ARID4A: variants seen among roughly 807,000 people sequenced by gnomAD.
The protein encoded by ARID4A is AT-rich interaction domain 4A, also known as AT-rich interactive domain-containing protein 4A.
ARID4A carries 39 observed loss-of-function variants against 148.6 expected under a neutral mutation model. The ratio of observed to expected loss-of-function variants is 0.26; its 90% CI spans 0.20 to 0.34. ARID4A has a LOEUF of 0.34. Ranked by LOEUF, ARID4A falls within the 10% of genes least tolerant of loss-of-function variation. The probability of loss-of-function intolerance (pLI) is 1.00; values close to 1 mark genes in which losing one functional copy is unlikely to be tolerated. For synonymous variants in ARID4A, 475 were observed against 481.2 expected, an observed-to-expected ratio of 0.99 and a Z score of 0.17; for missense variants, 1,265 against 1,449.1, an observed-to-expected ratio of 0.87 and a Z score of 2.06.
rs576319663 is a variant in ARID4A at position 58,359,979 on chromosome 14, T to G, written c.1938+763T>G. On this transcript the variant is annotated intron_variant, in intron 18 of 23. Transcript: ENST00000355431. Reference sequence around the variant, plus strand: ...TACTCGGGAGGCTGAGGCAGGAGAATGGCGTGAACCCAGGAGGCGGAGCTT... The same window carrying G: ...TACTCGGGAGGCTGAGGCAGGAGAAGGGCGTGAACCCAGGAGGCGGAGCTT... 3.3e-5 allele frequency among the ~76,000 whole-genome samples: 5 copies of G among 150,328 alleles called. No individual in the cohort carries two copies. In the South Asian group the frequency reaches 1.0e-3, roughly 31 times the overall value.
In ARID4A at chr14:58,366,872, C is replaced by G. The variant is rs754171676; in HGVS notation, c.3524-11C>G. On this transcript the variant is annotated splice_polypyrimidine_tract_variant and intron_variant, in intron 22 of 23. Transcript: ENST00000355431. Reference sequence around the variant, plus strand: ...TTTAAAATCCAAATTAACTTCTTTCCCCCCTTTTAGATGAATTAGATAATA... The same window carrying G: ...TTTAAAATCCAAATTAACTTCTTTCGCCCCTTTTAGATGAATTAGATAATA... The G allele has an allele frequency of 2.7e-6, 4 of 1,485,000 alleles. No individual in the cohort carries two copies. The highest frequency in any genetic ancestry group is 1.5e-5 in the African/African-American group (1 of 67,324). 92.0% of individuals were successfully genotyped at this position (1,485,000 alleles called of 1,614,324 possible).
intron 11 of ARID4A, among the ~76,000 whole-genome samples, chr14:58,338,340 A>G (rs2033934187): frequency 1.3e-5 from 2 of 152,316 alleles, no homozygotes; most frequent in South Asian, 4.1e-4. Flanking sequence ...AATTTTATAC[A>G]AAAAATGTAA....
chr14:58,340,976 C>G (rs1355842474), intron 11 of ARID4A, among the ~76,000 whole-genome samples: 1 of 152,144 alleles, frequency 6.6e-6, no homozygotes, highest in African/African-American at 2.4e-5. Context: ...AGTCATTAGT[C>G]GTAAAATTGT....
At chr14:58,346,861 G>A (rs566421444) in intron 13 of ARID4A, among the ~76,000 whole-genome samples, 159 bp from the exon 14 acceptor site, 28 of 138,050 alleles carry the variant, frequency 2.0e-4, no homozygotes, top group Middle Eastern at 4.0e-3. Flanking sequence ...CCAGGAGGTC[G>A]AGGCTGCAGT....
chr14:58,298,655 G>T lies in ARID4A; in HGVS notation c.-103G>T, dbSNP rs1174673900. On this transcript the variant is annotated 5_prime_UTR_variant, in exon 1 of 24. Transcript: ENST00000355431. ...GGACGGGGGCCCACGGAGGTCAGAG[G>T]GGAGGAGGACTCTGGAGCTGACAGC... 1.3e-5 allele frequency: 2 copies of T among 152,796 alleles called. No homozygotes were observed. Among genetic ancestry groups the T allele is most frequent in the Non-Finnish European group, 2.9e-5 (2 of 68,198 alleles). The allele number at this position is 152,796 out of a possible 1,614,324, so 9.5% of individuals were successfully genotyped here. A position where few individuals can be genotyped will look rare whatever the true frequency, so the allele number is the denominator to read the frequency against.
In ARID4A at chr14:58,304,940, T is replaced by C; in HGVS notation, c.118-4T>C. On this transcript the variant is annotated splice_polypyrimidine_tract_variant and splice_region_variant and intron_variant, in intron 3 of 23. Coordinates refer to ENST00000355431, the MANE Select transcript of ARID4A (RefSeq NM_002892.4). Reference sequence around the variant, plus strand: ...TGCAAATTATTGTGCAAAATGTTTTTCAGGTACTCCTGAAACAGGATAATA... The same window carrying C: ...TGCAAATTATTGTGCAAAATGTTTTCCAGGTACTCCTGAAACAGGATAATA... 1.2e-6 allele frequency: 2 copies of C among 1,606,088 alleles called. No individual in the cohort carries two copies. The highest frequency in any genetic ancestry group is 1.7e-6 in the Non-Finnish European group (2 of 1,177,460).
At chr14:58,328,154 G>T in intron 8 of ARID4A, 83 bp from the exon 9 acceptor site, 1 of 932,168 alleles carries the variant, frequency 1.1e-6, no homozygotes, top group South Asian at 1.5e-5. Flanking sequence ...AGAAGTTAGG[G>T]GATCCAGAAT....
At chr14:58,324,370 G>T (rs115390182) in intron 8 of ARID4A, among the ~76,000 whole-genome samples, 1,713 of 152,256 alleles carry the variant, frequency 0.011, 33 homozygotes, top group African/African-American at 0.039. Context: ...CAGCCTTTTG[G>T]GCTCAGGCGT....
At chr14:58,346,048 G>A (rs910717600) in intron 12 of ARID4A, among the ~76,000 whole-genome samples, 3 of 151,534 alleles carry the variant, frequency 2.0e-5, no homozygotes, top group Admixed American at 6.6e-5. Flanking sequence ...ATGCCCAAGC[G>A]TCTTGAACCA....
intron 5 of ARID4A, among the ~76,000 whole-genome samples, chr14:58,313,200 C>G (rs1192318420): frequency 6.6e-6 from 1 of 152,142 alleles, no homozygotes; most frequent in African/African-American, 2.4e-5. Flanking sequence ...GATAGATAGA[C>G]AGATTGATAC....
At chr14:58,299,546 C>G (rs377732654) in intron 1 of ARID4A, 2 of 504,238 alleles carry the variant, frequency 4.0e-6, no homozygotes, top group African/African-American at 3.8e-5. Context: ...CATTCCGGGT[C>G]AAAGTGGCCA....
chr14:58,324,394 G>A (rs971657063), intron 8 of ARID4A, among the ~76,000 whole-genome samples: 1 of 152,240 alleles, frequency 6.6e-6, no homozygotes, highest in East Asian at 1.9e-4. Context: ...TCCTGTTTCA[G>A]CCTCCCAAGC....
chr14:58,310,870 C>G (rs911132873), intron 5 of ARID4A, among the ~76,000 whole-genome samples: 6 of 152,082 alleles, frequency 3.9e-5, no homozygotes, highest in Non-Finnish European at 7.3e-5. Context: ...TATTTGCAAA[C>G]TCTGTATTTA....
rs559596046 is a variant in ARID4A, at chr14:58,316,463, A to G, written c.275-2079A>G. On this transcript the variant is annotated intron_variant, in intron 5 of 23. Coordinates refer to ENST00000355431, the MANE Select transcript of ARID4A (RefSeq NM_002892.4). ...ATCAGAATACAGTCTCAAAAGTTAA[A>G]CCTATACAATTATCAAAATAATATA... Among the ~76,000 whole-genome samples the G allele has an allele frequency of 2.0e-5, 3 of 152,356 alleles. No homozygotes were observed. In the South Asian group the frequency reaches 6.2e-4, roughly 32 times the overall value.
intron 8 of ARID4A, among the ~76,000 whole-genome samples, chr14:58,326,414 G>T (rs1449896033): frequency 6.6e-6 from 1 of 152,208 alleles, no homozygotes; most frequent in African/African-American, 2.4e-5. Flanking sequence ...TCCAGCCTGG[G>T]CAACAAAGCA....
At chr14:58,347,558 C>T in intron 14 of ARID4A, 89 bp from the exon 15 acceptor site, 1 of 1,058,714 alleles carries the variant, frequency 9.4e-7, no homozygotes, top group Non-Finnish European at 1.3e-6. Flanking sequence ...AATTACTGGG[C>T]TTTACTTTTT....
At chr14:58,369,602 G>A (rs751730493) in intron 23 of ARID4A, among the ~76,000 whole-genome samples, 4 of 116,558 alleles carry the variant, frequency 3.4e-5, no homozygotes, top group Admixed American at 1.0e-4. Context: ...GTGACAGAGT[G>A]AGAGTCTGTC....
chr14:58,347,530 G>GT (rs772120658), intron 14 of ARID4A, 117 bp from the exon 15 acceptor site: 3 of 738,196 alleles, frequency 4.1e-6, no homozygotes, highest in Non-Finnish European at 6.2e-6. Flanking sequence ...ACAGAAAAGA[G>GT]TAACAAAAAT....
intron 3 of ARID4A, among the ~76,000 whole-genome samples, chr14:58,302,091 C>G (rs977919469): frequency 6.6e-6 from 1 of 152,132 alleles, no homozygotes; most frequent in Non-Finnish European, 1.5e-5. Context: ...GGCGTAGTGT[C>G]TCATGCCTGT....
Sources: allele counts gnomAD v4.1 joint callset (sites outside exome capture counted in the v4.1 genomes callset), GRCh38; gene constraint gnomAD v4.1.1; transcripts MANE v1.5; gene names NCBI Gene and HGNC (gene_info 2026-07-23, HGNC 2026-07-21).